Variants in FOXP2 observed in about 807,000 individuals in gnomAD.
FOXP2 encodes the protein forkhead box P2, also known as forkhead box protein P2.
Under a neutral mutation model 115.8 loss-of-function variants are expected in FOXP2, and 12 were observed. The observed-to-expected ratio is 0.10, with a 90% confidence interval of 0.07 to 0.17. The LOEUF (loss-of-function observed/expected upper bound fraction) is 0.17. FOXP2 is among the 10% of genes least tolerant of loss of function. FOXP2 has a pLI of 1.00. For missense variants in FOXP2, 629 were observed against 843.5 expected, an observed-to-expected ratio of 0.75 and a Z score of 3.15; for synonymous variants, 328 against 297.7, an observed-to-expected ratio of 1.10 and a Z score of -1.05.
intron 10 of FOXP2, among the ~76,000 whole-genome samples, chr7:114,655,150 T>C (rs1170819538): frequency 1.3e-5 from 2 of 152,180 alleles, no homozygotes; most frequent in African/African-American, 4.8e-5. Flanking sequence ...AGGATATTTT[T>C]GATCATGTAT....
rs183455024 is a variant in FOXP2 at position 114,422,090 on chromosome 7, G to A, written c.-10-4412G>A. ...ATATTGATAATTGATCAAAGATTAA[G>A]GAGGTATTTAAGAATATATGTTTTA... On this transcript the variant is annotated intron_variant, in intron 1 of 16. Coordinates refer to ENST00000350908, the MANE Select transcript of FOXP2 (RefSeq NM_014491.4). Among the ~76,000 whole-genome samples, 89 of 151,780 alleles carry A rather than the reference G, an allele frequency of 5.9e-4. No individual in the cohort carries two copies. The East Asian group carries it at 0.015, about 26-fold the overall frequency.
intron 2 of FOXP2, among the ~76,000 whole-genome samples, chr7:114,452,963 C>T (rs192509862): frequency 2.6e-5 from 4 of 152,162 alleles, no homozygotes; most frequent in Admixed American, 2.6e-4. Context: ...GCTAATTAAA[C>T]TGTTTAATAA....
chr7:114,472,317 T>C (rs778100300), intron 2 of FOXP2, among the ~76,000 whole-genome samples: 10 of 151,922 alleles, frequency 6.6e-5, no homozygotes, highest in Non-Finnish European at 1.5e-4. Flanking sequence ...AAAAGGTGAA[T>C]CTTTATTGGC....
At chr7:114,434,202 C>T (rs10268637) in intron 2 of FOXP2, among the ~76,000 whole-genome samples, 75,152 of 151,462 alleles carry the variant, frequency 0.5, 19,330 homozygotes, top group African/African-American at 0.62. Context: ...AATAGCTTTC[C>T]AGGAAATCAA....
intron 1 of FOXP2, among the ~76,000 whole-genome samples, chr7:114,271,958 T>C (rs1424326142): frequency 7.5e-6 from 1 of 133,406 alleles, no homozygotes; most frequent in African/African-American, 2.8e-5. Flanking sequence ...TTTATTATTA[T>C]ATTAATTATA....
intron 2 of FOXP2, among the ~76,000 whole-genome samples, chr7:114,534,130 G>A (rs1364934198): frequency 6.6e-6 from 1 of 151,866 alleles, no homozygotes; most frequent in East Asian, 1.9e-4. Context: ...TACAAAAAAA[G>A]TGTTTTTAAT....
chr7:114,387,266 CAT>C (rs1310755658), intron 2 of FOXP2, among the ~76,000 whole-genome samples: 2 of 152,070 alleles, frequency 1.3e-5, no homozygotes, highest in African/African-American at 4.8e-5. Context: ...CTATGAAAAA[CAT>C]ATGTTACTCT....
intron 3 of FOXP2, among the ~76,000 whole-genome samples, chr7:114,580,306 G>A (rs1328523464): frequency 6.6e-6 from 1 of 152,176 alleles, no homozygotes; most frequent in African/African-American, 2.4e-5. Context: ...GGACGGGCAC[G>A]GTGGCTCACG....
At chr7:114,187,120 T>G (rs1793627545) in intron 1 of FOXP2, among the ~76,000 whole-genome samples, 1 of 152,238 alleles carries the variant, frequency 6.6e-6, no homozygotes, top group African/African-American at 2.4e-5. Context: ...TATCAAATGG[T>G]CACTGGGCTG....
intron 3 of FOXP2, chr7:114,560,979 C>T (rs1800731400): frequency 6.6e-6 from 1 of 152,146 alleles, no homozygotes; most frequent in African/African-American, 2.4e-5. Flanking sequence ...GAGCAAAAAG[C>T]AGAGCAGAAT....
At chr7:114,599,952 C>T (rs1447862139) in intron 3 of FOXP2, among the ~76,000 whole-genome samples, 1 of 152,130 alleles carries the variant, frequency 6.6e-6, no homozygotes, top group Non-Finnish European at 1.5e-5. Flanking sequence ...ACTCCCCACC[C>T]TCAGTTTCCC....
intron 3 of FOXP2, among the ~76,000 whole-genome samples, chr7:114,539,151 T>C (rs1329508728): frequency 1.3e-5 from 2 of 151,850 alleles, no homozygotes; most frequent in Non-Finnish European, 2.9e-5. Context: ...TTATCAATAC[T>C]GAAATTCCAT....
At chr7:114,338,735 C>T (rs1791116350) in intron 2 of FOXP2, among the ~76,000 whole-genome samples, 1 of 135,314 alleles carries the variant, frequency 7.4e-6, no homozygotes, top group Admixed American at 8.1e-5. Context: ...AAACTGAGTT[C>T]TTGTCAAGAT....
At chr7:114,496,524 A>G (rs1295418504) in intron 2 of FOXP2, among the ~76,000 whole-genome samples, 1 of 152,156 alleles carries the variant, frequency 6.6e-6, no homozygotes, top group East Asian at 1.9e-4. Context: ...AAAACTAGCA[A>G]AAAGGCAGAG....
chr7:114,650,305 C>T (rs1806174950), intron 8 of FOXP2, among the ~76,000 whole-genome samples: 1 of 151,948 alleles, frequency 6.6e-6, no homozygotes, highest in Admixed American at 6.6e-5. Context: ...CCTGTATGTT[C>T]TACTTATCTT....
At chr7:114,375,764 CT>C (rs1792124054) in intron 2 of FOXP2, among the ~76,000 whole-genome samples, 1 of 152,140 alleles carries the variant, frequency 6.6e-6, no homozygotes, top group Non-Finnish European at 1.5e-5. Flanking sequence ...CTAGCATGAG[CT>C]TGTTGACCGG....
chr7:114,272,308 A>G (rs1199004424), intron 1 of FOXP2, among the ~76,000 whole-genome samples: 1 of 151,358 alleles, frequency 6.6e-6, no homozygotes, highest in African/African-American at 2.4e-5. Flanking sequence ...AGATTTTTGC[A>G]ATTTGTGTTC....
intron 1 of FOXP2, among the ~76,000 whole-genome samples, chr7:114,212,813 A>C (rs1274726398): frequency 6.6e-6 from 1 of 152,202 alleles, no homozygotes; most frequent in Admixed American, 6.5e-5. Flanking sequence ...CTGTAAATGA[A>C]TATTGCCGGG....
At chr7:114,506,770 A>G (rs998006986) in intron 2 of FOXP2, among the ~76,000 whole-genome samples, 3 of 151,800 alleles carry the variant, frequency 2.0e-5, no homozygotes, top group Non-Finnish European at 3.0e-5. Flanking sequence ...ACAAGGCTCC[A>G]GAACTGGCCT....
Sources: allele counts gnomAD v4.1 joint callset (sites outside exome capture counted in the v4.1 genomes callset), GRCh38; gene constraint gnomAD v4.1.1; transcripts MANE v1.5; gene names NCBI Gene and HGNC (gene_info 2026-07-23, HGNC 2026-07-21).